CDC7: variants seen among roughly 807,000 people sequenced by gnomAD.
CDC7 encodes cell division cycle 7-related protein kinase.
Under a neutral mutation model 53.5 loss-of-function variants are expected in CDC7, and 34 were observed. The ratio of observed to expected loss-of-function variants is 0.64; its 90% CI spans 0.48 to 0.85. CDC7 has a LOEUF of 0.85. Ranked by LOEUF, CDC7 falls within the 40% of genes least tolerant of loss-of-function variation. The pLI, the probability that CDC7 is intolerant of heterozygous loss-of-function variation, is 0.00. For missense variants in CDC7, 594 were observed against 679.7 expected (o/e 0.87, Z 1.40); for synonymous variants, 211 against 222.8 (o/e 0.95, Z 0.47).
Position 91,501,710 on chromosome 1 carries a change from G to C in CDC7, c.-7G>C. ...TAGCTGGCATTTTGCATCTCAATTGGCTTGTGATGGAGGCGTCTTTGGGGA... is the reference window on the plus strand; with the variant it reads ...TAGCTGGCATTTTGCATCTCAATTGCCTTGTGATGGAGGCGTCTTTGGGGA... On this transcript the variant is annotated 5_prime_UTR_variant, in exon 2 of 12. Coordinates refer to ENST00000234626, the MANE Select transcript of CDC7 (RefSeq NM_003503.4). 6.2e-7 allele frequency: 1 copy of C among 1,605,668 alleles called. No homozygotes were observed. The highest frequency in any genetic ancestry group is 8.5e-7 in the Non-Finnish European group (1 of 1,172,542).
chr1:91,513,363 A>T (rs892720156), intron 7 of CDC7, 56 bp downstream of exon 7: 74 of 1,517,150 alleles, frequency 4.9e-5, no homozygotes, highest in South Asian at 1.2e-4. Flanking sequence ...ATACTCCTTC[A>T]ACCAACAGAG....
intron 11 of CDC7, among the ~76,000 whole-genome samples, chr1:91,523,365 C>G (rs1329245188): frequency 2.6e-5 from 4 of 152,146 alleles, no homozygotes; most frequent in Admixed American, 1.3e-4. Context: ...GCCTTTTTGT[C>G]TAGTCCAACA....
intron 2 of CDC7, among the ~76,000 whole-genome samples, chr1:91,505,996 CTAT>C (rs1557586827): frequency 1.3e-5 from 2 of 151,990 alleles, no homozygotes; most frequent in African/African-American, 4.8e-5. Flanking sequence ...CATTCTATTT[CTAT>C]TATTGTTATT....
At position 91,501,703 on chromosome 1, in the gene CDC7, T is replaced by G; in HGVS notation, c.-14T>G. On this transcript the variant is annotated 5_prime_UTR_variant, in exon 2 of 12. Transcript: ENST00000234626. Reference sequence around the variant, plus strand: ...AACCCCTTAGCTGGCATTTTGCATCTCAATTGGCTTGTGATGGAGGCGTCT... The same window carrying G: ...AACCCCTTAGCTGGCATTTTGCATCGCAATTGGCTTGTGATGGAGGCGTCT... 6.3e-7 allele frequency: 1 copy of G among 1,593,128 alleles called. No homozygotes were observed. Among genetic ancestry groups the G allele is most frequent in the Non-Finnish European group, 8.6e-7 (1 of 1,161,472 alleles).
At chr1:91,519,081 G>A (rs1341406518) in intron 10 of CDC7, among the ~76,000 whole-genome samples, 1 of 148,908 alleles carries the variant, frequency 6.7e-6, no homozygotes, top group Non-Finnish European at 1.5e-5. Context: ...AAAAAAGAAT[G>A]AATTAAGACC....
At chr1:91,507,615 A>G (rs552543892) in intron 2 of CDC7, among the ~76,000 whole-genome samples, 2 of 152,160 alleles carry the variant, frequency 1.3e-5, no homozygotes, top group Non-Finnish European at 2.9e-5. Context: ...TTAGTATATA[A>G]TTCCAGTATA....
Position 91,512,913 on chromosome 1 carries a change from T to A in CDC7, c.573-145T>A, listed in dbSNP as rs1667355905. Reference sequence around the variant, plus strand: ...TCTTACTTTGTCTGGAAAACTTATTTTTTTTTCTTTTTTCCAGAATGTTAT... The same window carrying A: ...TCTTACTTTGTCTGGAAAACTTATTATTTTTTCTTTTTTCCAGAATGTTAT... On this transcript the variant is annotated intron_variant, in intron 6 of 11. Transcript: ENST00000234626. The A allele has an allele frequency of 4.4e-5, 31 of 701,216 alleles. No individual in the cohort carries two copies. The South Asian group carries it at 6.6e-4, about 15-fold the overall frequency. 43.4% of individuals were successfully genotyped at this position (701,216 alleles called of 1,614,324 possible). A position where few individuals can be genotyped will look rare whatever the true frequency, so the allele number is the denominator to read the frequency against.
chr1:91,518,090 T>A, intron 10 of CDC7, among the ~76,000 whole-genome samples: 2 of 1,918 alleles, frequency 1.0e-3, no homozygotes, highest in Non-Finnish European at 5.2e-3. Context: ...TGAGACTCAG[T>A]CTCAAAAAAA....
chr1:91,522,378 T>G (rs938182154), intron 11 of CDC7, among the ~76,000 whole-genome samples: 69 of 152,308 alleles, frequency 4.5e-4, no homozygotes, highest in African/African-American at 1.6e-3. Context: ...TTATCTGTCC[T>G]CAACCCTTAA....
At position 91,509,384 on chromosome 1, in the gene CDC7, A is replaced by C. The variant is rs932066775; in HGVS notation, c.335+987A>C. On this transcript the variant is annotated intron_variant, in intron 4 of 11. Coordinates refer to ENST00000234626, the MANE Select transcript of CDC7 (RefSeq NM_003503.4). ...ACCTTAACATACCAAAAAAAAAAAA[A>C]AAAACACCACAACAAATGTTCTTAT... Among the ~76,000 whole-genome samples the C allele has an allele frequency of 2.8e-4, 43 of 151,946 alleles. 1 individual carries two copies. Among genetic ancestry groups the C allele is most frequent in the African/African-American group, 8.9e-4 (37 of 41,478 alleles).
At chr1:91,503,941 T>G (rs1231167065) in intron 2 of CDC7, among the ~76,000 whole-genome samples, 1 of 152,098 alleles carries the variant, frequency 6.6e-6, no homozygotes, top group African/African-American at 2.4e-5. Context: ...ATTCTACAAC[T>G]GGATTTAAGG....
At chr1:91,513,016 A>C in intron 6 of CDC7, 42 bp from the exon 7 acceptor site, 1 of 1,576,740 alleles carries the variant, frequency 6.3e-7, no homozygotes, top group East Asian at 2.2e-5. Context: ...ACTAAGCTTT[A>C]ATTGCTACAG....
intron 2 of CDC7, among the ~76,000 whole-genome samples, chr1:91,503,993 C>G (rs1013635145): frequency 2.6e-5 from 4 of 151,744 alleles, no homozygotes; most frequent in Admixed American, 2.6e-4. Context: ...TCACCTTTTA[C>G]TATTGACCCT....
At chr1:91,519,943 C>CT (rs1172758178) in intron 10 of CDC7, among the ~76,000 whole-genome samples, 187 bp from the exon 11 acceptor site, 1 of 152,132 alleles carries the variant, frequency 6.6e-6, no homozygotes, top group African/African-American at 2.4e-5. Flanking sequence ...ACCTGAGGAA[C>CT]TTTTTTAAAA....
In CDC7 at chr1:91,513,977, C is replaced by T; in HGVS notation, c.852C>T (p.Arg284=). ...KEGSVGLSVQ[R]SVFGERNFNI... The stretch of plus-strand genomic sequence containing the variant: ...GATCTGTAGGCCTTTCTGTCCAGCG[C>T]TCTGTTTTTGGAGAAAGAAATTTCA... The change falls in exon 8 of 12, where the codon CGC becomes CGT. Residue 284 remains arginine (R), a synonymous_variant. Transcript: ENST00000234626. 6.2e-7 allele frequency: 1 copy of T among 1,612,282 alleles called. No homozygotes were observed. The highest frequency in any genetic ancestry group is 8.5e-7 in the Non-Finnish European group (1 of 1,178,670).
chr1:91,500,981 G>T (rs891343445), intron 1 of CDC7, 33 bp downstream of exon 1: 8 of 152,286 alleles, frequency 5.3e-5, no homozygotes, highest in Non-Finnish European at 4.4e-5. Context: ...CATGGCGCGG[G>T]ATTGTGAGGG....
At chr1:91,506,289 C>T (rs759348497) in intron 2 of CDC7, among the ~76,000 whole-genome samples, 6 of 152,112 alleles carry the variant, frequency 3.9e-5, no homozygotes, top group Admixed American at 6.5e-5. Flanking sequence ...CCTGAGCCAC[C>T]GCCCCAGGCC....
intron 2 of CDC7, 124 bp downstream of exon 2, chr1:91,501,955 A>G: frequency 1.3e-6 from 1 of 748,676 alleles, no homozygotes; most frequent in African/African-American, 1.7e-5. Context: ...TCTATAGGAC[A>G]GTGTTAAAAC....
At chr1:91,507,685 G>T (rs1667064886) in intron 2 of CDC7, among the ~76,000 whole-genome samples, 169 bp from the exon 3 acceptor site, 1 of 152,106 alleles carries the variant, frequency 6.6e-6, no homozygotes, top group Admixed American at 6.5e-5. Context: ...AGAGGTGTGT[G>T]TGAGTTATAG....
Sources: gnomAD v4.1 joint callset for allele counts (sites outside exome capture counted in the v4.1 genomes callset) on GRCh38, gnomAD v4.1.1 for gene constraint, MANE v1.5 for transcripts, NCBI Gene and HGNC (gene_info 2026-07-23, HGNC 2026-07-21) for gene names.